The following TANGO6 variants were observed in gnomAD, a reference collection of about 807,000 sequenced individuals.
The protein encoded by TANGO6 is transport and golgi organization 6 homolog, also known as transport and Golgi organization protein 6 homolog.
Under a neutral mutation model 114.2 loss-of-function variants are expected in TANGO6, and 90 were observed. The observed-to-expected ratio is 0.79, with a 90% CI of 0.66 to 0.94. TANGO6 has a LOEUF of 0.94. TANGO6 is among the 40% of genes least tolerant of loss of function. The pLI is 0.00. For synonymous variants in TANGO6, 477 were observed against 509.8 expected (o/e 0.94, Z 0.87); for missense variants, 1,274 against 1,315.3 (o/e 0.97, Z 0.49).
At chr16:68,943,333 A>G (rs1349688254) in intron 14 of TANGO6, among the ~76,000 whole-genome samples, 1 of 148,230 alleles carries the variant, frequency 6.7e-6, no homozygotes, top group Non-Finnish European at 1.5e-5. Flanking sequence ...CAGTGGCATG[A>G]TTAAAGCTCA....
chr16:68,914,937 C>T (rs1962977377), intron 11 of TANGO6, among the ~76,000 whole-genome samples: 1 of 142,930 alleles, frequency 7.0e-6, no homozygotes, highest in South Asian at 2.2e-4. Context: ...GTAATAGGAT[C>T]ATACTACTTG....
rs1017224659 is a variant in TANGO6, at chr16:68,901,138, A to G, written c.1490+592A>G. On this transcript the variant is annotated intron_variant, in intron 8 of 17. Coordinates refer to ENST00000261778, the MANE Select transcript of TANGO6 (RefSeq NM_024562.2). ...GTTATCTTATCTCAAGTCCTATAGA[A>G]TTACGATTTTTGGTGTTTGGAGATC... Among the ~76,000 whole-genome samples the G allele has an allele frequency of 4.3e-4, 66 of 152,188 alleles. 1 individual carries two copies. The highest frequency in any genetic ancestry group is 1.5e-3 in the African/African-American group (61 of 41,434).
chr16:68,872,270 T>C (rs1962282279), intron 4 of TANGO6, among the ~76,000 whole-genome samples: 1 of 151,912 alleles, frequency 6.6e-6, no homozygotes, highest in African/African-American at 2.4e-5. Context: ...AATTCTGTTA[T>C]CTCTGTTTTT....
chr16:68,921,607 C>CTTTTTTT (rs1167059062), intron 12 of TANGO6, among the ~76,000 whole-genome samples: 2 of 57,918 alleles, frequency 3.5e-5, no homozygotes, highest in African/African-American at 8.3e-5. Flanking sequence ...TGAGAGTGTG[C>CTTTTTTT]TTTTTTTTTT....
chr16:68,992,040 A>T (rs1490207733), intron 15 of TANGO6, among the ~76,000 whole-genome samples: 1 of 152,118 alleles, frequency 6.6e-6, no homozygotes. Context: ...GTTATAATCC[A>T]CCCAGCAACT....
intron 16 of TANGO6, chr16:69,034,138 C>T (rs1357276374): frequency 6.5e-6 from 1 of 154,140 alleles, no homozygotes; most frequent in Non-Finnish European, 1.5e-5. Context: ...TTTCCATTGT[C>T]CCTATGCGGA....
chr16:69,018,139 CTTT>C lies in TANGO6; in HGVS notation c.2843-4669_2843-4667del, dbSNP rs34796579. Reference sequence around the variant, plus strand: ...CACCATGCCCAGCCGTTGGAAATCTCTTTTTTTTTTTTTTTTTTTTTTGAGACA... The same window carrying C: ...CACCATGCCCAGCCGTTGGAAATCTCTTTTTTTTTTTTTTTTTTTGAGACA... On this transcript the variant is annotated intron_variant, in intron 15 of 17. Transcript: ENST00000261778. 4.9e-3 allele frequency among the ~76,000 whole-genome samples: 380 copies of C among 77,050 alleles called. 3 individuals are homozygous for C. The highest frequency in any genetic ancestry group is 0.017 in the African/African-American group (364 of 21,494). 50.5% of individuals were successfully genotyped at this position (77,050 alleles called of 152,430 possible).
Position 69,033,510 on chromosome 16 carries a change from G to A in TANGO6, c.2995-6798G>A, listed in dbSNP as rs553311732. ...GATAGAGCCAGCACCAAGCTCTGGGGGACCCAGAGCTGGGACCCTGGGTTA... is the reference window on the plus strand; with the variant it reads ...GATAGAGCCAGCACCAAGCTCTGGGAGACCCAGAGCTGGGACCCTGGGTTA... On this transcript the variant is annotated intron_variant, in intron 16 of 17. Coordinates refer to ENST00000261778, the MANE Select transcript of TANGO6 (RefSeq NM_024562.2). Among the ~76,000 whole-genome samples, 34 of 152,274 alleles carry A rather than the reference G, an allele frequency of 2.2e-4. No homozygotes were observed. In the South Asian group the frequency reaches 6.6e-3, roughly 30 times the overall value.
Position 68,966,163 on chromosome 16 carries a change from C to A in TANGO6, c.2702-7865C>A, listed in dbSNP as rs111236018. Among the ~76,000 whole-genome samples the A allele has an allele frequency of 6.6e-5, 10 of 152,112 alleles. 1 individual carries two copies. Among genetic ancestry groups the A allele is most frequent in the African/African-American group, 2.4e-4 (10 of 41,476 alleles). On this transcript the variant is annotated intron_variant, in intron 14 of 17. Transcript: ENST00000261778. ...ATAACTTGAGCCTAGGAAGTTGAAG[C>A]TGCAGTGAGCTGTGATTATACCAAA...
intron 15 of TANGO6, among the ~76,000 whole-genome samples, chr16:68,985,042 G>GT (rs902758430): frequency 8.4e-5 from 12 of 143,626 alleles, no homozygotes; most frequent in Admixed American, 2.8e-4. Flanking sequence ...GTTGTTGTTA[G>GT]TTTTTTTTTA....
At chr16:68,890,017 C>G (rs964482486) in intron 7 of TANGO6, among the ~76,000 whole-genome samples, 1 of 152,180 alleles carries the variant, frequency 6.6e-6, no homozygotes, top group African/African-American at 2.4e-5. Context: ...TTACACTCAG[C>G]AAGTGCATTA....
chr16:69,023,733 TG>T, intron 16 of TANGO6, among the ~76,000 whole-genome samples: 1 of 152,030 alleles, frequency 6.6e-6, no homozygotes, highest in African/African-American at 2.4e-5. Flanking sequence ...GGGATGGTGT[TG>T]TTTACCAAAA....
intron 17 of TANGO6, among the ~76,000 whole-genome samples, chr16:69,058,149 G>A (rs1183864723): frequency 6.6e-6 from 1 of 152,176 alleles, no homozygotes; most frequent in Non-Finnish European, 1.5e-5. Flanking sequence ...TCCATCCTCT[G>A]AAAGGGAGGA....
At chr16:68,902,266 G>T in intron 8 of TANGO6, 62 bp from the exon 9 acceptor site, 1 of 1,481,646 alleles carries the variant, frequency 6.7e-7, no homozygotes. Flanking sequence ...CTTTTTTTAT[G>T]TTAGCTTGTT....
At position 68,982,875 on chromosome 16, in the gene TANGO6, G is replaced by T. The variant is rs1040910571; in HGVS notation, c.2842+8707G>T. ...GAAGTATATTTTTAAATTATCCTTTGTATTTAGATAATATTTCATGTTCCT... is the reference window on the plus strand; with the variant it reads ...GAAGTATATTTTTAAATTATCCTTTTTATTTAGATAATATTTCATGTTCCT... On this transcript the variant is annotated intron_variant, in intron 15 of 17. Transcript: ENST00000261778. 1.8e-4 allele frequency among the ~76,000 whole-genome samples: 27 copies of T among 151,122 alleles called. 1 individual carries two copies. The highest frequency in any genetic ancestry group is 7.4e-5 in the Non-Finnish European group (5 of 67,860).
rs1288279154 is a variant in TANGO6, at chr16:69,040,392, C to T, written c.3079C>T (p.Leu1027Phe). Residue 1027 changes from leucine to phenylalanine, a missense_variant, in exon 17 of 18, where the codon CTT (leucine) becomes TTT (phenylalanine). Around this residue, in one of 5 missense-constraint regions of TANGO6, gnomAD observed 238 missense variants for 252.9 expected, o/e 0.94. Transcript: ENST00000261778. ...RAAIHVVVLL[L>F]RGLSQKATEV... ...TGCCATACATGTGGTTGTGCTGCTG[C>T]TTCGGGGACTCAGCCAGAAAGCTAC... The T allele has an allele frequency of 3.7e-6, 6 of 1,606,464 alleles. No homozygotes were observed. The East Asian group carries it at 1.3e-4, about 36-fold the overall frequency.
At chr16:68,878,900 C>T (rs990468551) in intron 6 of TANGO6, among the ~76,000 whole-genome samples, 1 of 151,660 alleles carries the variant, frequency 6.6e-6, no homozygotes, top group Non-Finnish European at 1.5e-5. Context: ...GGCAAAACCC[C>T]GTCTTAACCA....
At chr16:68,965,066 A>G (rs971594943) in intron 14 of TANGO6, among the ~76,000 whole-genome samples, 1 of 152,268 alleles carries the variant, frequency 6.6e-6, no homozygotes, top group East Asian at 1.9e-4. Context: ...TTTCTGGCTT[A>G]CCACAGAATT....
At chr16:68,882,757 G>A (rs1962482064) in intron 7 of TANGO6, among the ~76,000 whole-genome samples, 1 of 151,886 alleles carries the variant, frequency 6.6e-6, no homozygotes, top group African/African-American at 2.4e-5. Context: ...GATGGCTCAT[G>A]CCTGTAATCC....
Sources: allele counts gnomAD v4.1 joint callset (sites outside exome capture counted in the v4.1 genomes callset), GRCh38; gene constraint gnomAD v4.1.1; regional missense constraint gnomAD v4.1.1; transcripts MANE v1.5; gene names NCBI Gene and HGNC (gene_info 2026-07-23, HGNC 2026-07-21).